The following VPS13A variants were observed in gnomAD, a reference collection of about 807,000 sequenced individuals.
VPS13A encodes intermembrane lipid transfer protein VPS13A.
A neutral mutation model predicts 390.9 loss-of-function variants in VPS13A; 264 were observed. The observed-to-expected ratio is 0.68, with a 90% CI of 0.61 to 0.75. The LOEUF (loss-of-function observed/expected upper bound fraction) is 0.75, where lower values mean the gene tolerates loss of function less well. VPS13A is among the 30% of genes least tolerant of loss of function. The probability of loss-of-function intolerance (pLI) is 0.00; values close to 1 mark genes in which losing one functional copy is unlikely to be tolerated. For missense variants in VPS13A, 3,409 were observed against 3,733.9 expected (o/e 0.91, Z 2.27); for synonymous variants, 1,231 against 1,227.1 (o/e 1.00, Z -0.07).
At chr9:77,285,379 T>C (rs1381314787) in intron 31 of VPS13A, among the ~76,000 whole-genome samples, 2 of 152,244 alleles carry the variant, frequency 1.3e-5, no homozygotes, top group African/African-American at 4.8e-5. Flanking sequence ...ATCCTCCATT[T>C]ACTGTAGCAC....
At position 77,323,235 on chromosome 9, in the gene VPS13A, A is replaced by C. The variant is rs993675526; in HGVS notation, c.5991+8A>C. On this transcript the variant is annotated splice_region_variant and intron_variant, in intron 45 of 71. Transcript: ENST00000360280. ...ATTCGCTCCCCAGTGCAGGTATGAA[A>C]TGATCAATTTTGGGGGATGTCCTGT... is the stretch of plus-strand genomic sequence containing the variant. The C allele has an allele frequency of 1.2e-6, 2 of 1,612,806 alleles. No homozygotes were observed. The highest frequency in any genetic ancestry group is 1.7e-6 in the Non-Finnish European group (2 of 1,179,112).
rs185454065 is a variant in VPS13A at position 77,274,976 on chromosome 9, A to G, written c.2513-522A>G. Among the ~76,000 whole-genome samples, 4 of 152,270 alleles carry G rather than the reference A, an allele frequency of 2.6e-5. No individual in the cohort carries two copies. The East Asian group carries it at 5.8e-4, about 22-fold the overall frequency. ...ATATGTGTATGCTGATGTGTATTAC[A>G]TATCAACGTATATGTACATATACCT... On this transcript the variant is annotated intron_variant, in intron 24 of 71. Coordinates refer to ENST00000360280, the MANE Select transcript of VPS13A (RefSeq NM_033305.3).
At chr9:77,196,194 T>C (rs903910337) in intron 1 of VPS13A, among the ~76,000 whole-genome samples, 2 of 152,220 alleles carry the variant, frequency 1.3e-5, no homozygotes, top group African/African-American at 2.4e-5. Context: ...AATTTTACAA[T>C]TTTGTTTTTA....
chr9:77,208,718 T>C (rs1490377328), intron 5 of VPS13A, among the ~76,000 whole-genome samples: 4 of 151,966 alleles, frequency 2.6e-5, no homozygotes, highest in African/African-American at 9.7e-5. Context: ...CCTGCCTAAT[T>C]TTTATATTTT....
At chr9:77,415,414 C>T (rs1351919517) in intron 71 of VPS13A, among the ~76,000 whole-genome samples, 1 of 152,144 alleles carries the variant, frequency 6.6e-6, no homozygotes, top group Non-Finnish European at 1.5e-5. Flanking sequence ...GTATCACCTC[C>T]GTGGCTTTTA....
At chr9:77,318,101 A>C (rs1179048647) in intron 40 of VPS13A, 134 bp from the exon 41 acceptor site, 1 of 532,294 alleles carries the variant, frequency 1.9e-6, no homozygotes, top group Admixed American at 3.8e-5. Context: ...TTTTATAAAC[A>C]ATAAATTGTA....
At chr9:77,283,723 A>T in intron 31 of VPS13A, 73 bp downstream of exon 31, 1 of 1,213,770 alleles carries the variant, frequency 8.2e-7, no homozygotes, top group South Asian at 1.3e-5. Context: ...CATAGGTATC[A>T]TTTGGACATT....
At chr9:77,237,273 C>G (rs1037393387) in intron 17 of VPS13A, among the ~76,000 whole-genome samples, 5 of 152,088 alleles carry the variant, frequency 3.3e-5, no homozygotes, top group African/African-American at 9.7e-5. Flanking sequence ...CCAGTTCTTT[C>G]CCTGTTTGGT....
chr9:77,224,490 C>T (rs1823396501), intron 13 of VPS13A, among the ~76,000 whole-genome samples: 1 of 152,154 alleles, frequency 6.6e-6, no homozygotes, highest in South Asian at 2.1e-4. Flanking sequence ...TTGATTCCAA[C>T]CCTCATGGAA....
At chr9:77,340,707 T>G in intron 50 of VPS13A, 157 bp downstream of exon 50, 2 of 854,780 alleles carry the variant, frequency 2.3e-6, no homozygotes, top group South Asian at 3.5e-5. Context: ...CTGCTCTAGA[T>G]AGATGGGAAG....
chr9:77,182,998 A>G (rs58564807), intron 1 of VPS13A, among the ~76,000 whole-genome samples: 3,481 of 152,286 alleles, frequency 0.023, 112 homozygotes, highest in East Asian at 0.11. Context: ...CCCAGAATAC[A>G]CTAGGGAGCC....
At position 77,177,586 on chromosome 9, in the gene VPS13A, G is replaced by A; in HGVS notation, c.-119G>A. 1 of 902,608 alleles carries A rather than the reference G, an allele frequency of 1.1e-6. No homozygotes were observed. Among genetic ancestry groups the A allele is most frequent in the Non-Finnish European group, 1.8e-6 (1 of 571,336 alleles). 55.9% of individuals were successfully genotyped at this position (902,608 alleles called of 1,614,324 possible). A position where few individuals can be genotyped will look rare whatever the true frequency, so the allele number is the denominator to read the frequency against. Reference sequence around the variant, plus strand: ...GGCTGCGCGTTGGGCCAGCGGGGGCGCCGCAGCTGAAGCCGCCCCGGAGCC... The same window carrying A: ...GGCTGCGCGTTGGGCCAGCGGGGGCACCGCAGCTGAAGCCGCCCCGGAGCC... On this transcript the variant is annotated 5_prime_UTR_variant, in exon 1 of 72. Coordinates refer to ENST00000360280, the MANE Select transcript of VPS13A (RefSeq NM_033305.3).
intron 10 of VPS13A, 43 bp downstream of exon 10, chr9:77,214,429 G>A: frequency 1.3e-6 from 2 of 1,525,110 alleles, no homozygotes; most frequent in Non-Finnish European, 1.8e-6. Flanking sequence ...TAAAGTAATT[G>A]GTATAAATTT....
intron 35 of VPS13A, among the ~76,000 whole-genome samples, chr9:77,313,580 T>C (rs969141650): frequency 1.6e-4 from 24 of 152,220 alleles, no homozygotes; most frequent in Admixed American, 3.3e-4. Context: ...TTCTTCTGAT[T>C]AGTAGAAAAA....
Position 77,351,445 on chromosome 9 carries a change from A to T in VPS13A, c.7418A>T (p.Asp2473Val), listed in dbSNP as rs760160902. The T allele has an allele frequency of 6.2e-7, 1 of 1,613,134 alleles. No homozygotes were observed. The highest frequency in any genetic ancestry group is 8.5e-7 in the Non-Finnish European group (1 of 1,179,300). ...RKSHGEVTQK[D>V]DMMMPIDLGE... ...AGCCATGGTGAAGTAACACAGAAGG[A>T]TGTAAGTATTGGGTTATTATGGTGT... The change falls in exon 53 of 72, where the codon GAT becomes GTT. Residue 2473 changes from aspartate (D) to valine (V), a missense_variant and splice_region_variant. By Grantham distance (152) the Asp-to-Val change is radical. Coordinates refer to ENST00000360280, the MANE Select transcript of VPS13A (RefSeq NM_033305.3).
chr9:77,309,391 A>T (rs1337308371), intron 35 of VPS13A, among the ~76,000 whole-genome samples: 1 of 152,170 alleles, frequency 6.6e-6, no homozygotes, highest in African/African-American at 2.4e-5. Context: ...GAGGAAATGG[A>T]AGGCAATTCT....
At chr9:77,205,622 C>G (rs971295598) in intron 4 of VPS13A, among the ~76,000 whole-genome samples, 1 of 151,704 alleles carries the variant, frequency 6.6e-6, no homozygotes, top group African/African-American at 2.4e-5. Context: ...GATGGAGTCT[C>G]GCACTGTCAC....
intron 68 of VPS13A, among the ~76,000 whole-genome samples, chr9:77,402,197 A>G (rs1834422426): frequency 6.6e-6 from 1 of 152,184 alleles, no homozygotes; most frequent in South Asian, 2.1e-4. Context: ...TAATCATTGA[A>G]GTTAGGAACT....
chr9:77,241,727 A>G (rs1316273330), intron 19 of VPS13A, among the ~76,000 whole-genome samples: 1 of 152,090 alleles, frequency 6.6e-6, no homozygotes, highest in Non-Finnish European at 1.5e-5. Context: ...TCTGCCAGGT[A>G]CCTTGGGTAT....
Sources: allele counts gnomAD v4.1 joint callset (sites outside exome capture counted in the v4.1 genomes callset), GRCh38; gene constraint gnomAD v4.1.1; transcripts MANE v1.5; gene names NCBI Gene and HGNC (gene_info 2026-07-23, HGNC 2026-07-21).